ATP2A2: variants seen among roughly 807,000 people sequenced by gnomAD.
ATP2A2 encodes ATPase sarcoplasmic/endoplasmic reticulum Ca2+ transporting 2.
Under a neutral mutation model 109.3 loss-of-function variants are expected in ATP2A2, and 14 were observed. The observed-to-expected ratio is 0.13, with a 90% confidence interval of 0.08 to 0.20. The LOEUF is 0.20. Ranked by LOEUF, ATP2A2 falls within the 10% of genes least tolerant of loss-of-function variation. ATP2A2 has a pLI of 1.00. For missense variants in ATP2A2, 657 were observed against 1,321.6 expected, an observed-to-expected ratio of 0.50 and a Z score of 7.80; for synonymous variants, 506 against 490.9, an observed-to-expected ratio of 1.03 and a Z score of -0.41.
At chr12:110,301,410 T>C (rs1279783703) in intron 5 of ATP2A2, among the ~76,000 whole-genome samples, 1 of 152,210 alleles carries the variant, frequency 6.6e-6, no homozygotes, top group Non-Finnish European at 1.5e-5. Context: ...TTCCCGTCTT[T>C]TGTAAGACAC....
At chr12:110,334,254 C>CA in intron 11 of ATP2A2, 111 bp downstream of exon 11, 16 of 1,317,134 alleles carry the variant, frequency 1.2e-5, no homozygotes, top group Non-Finnish European at 1.7e-5. Flanking sequence ...CTTATCTCCT[C>CA]AAACTTACAG....
intron 5 of ATP2A2, among the ~76,000 whole-genome samples, chr12:110,298,744 C>T (rs537487398): frequency 3.3e-4 from 50 of 152,254 alleles, no homozygotes; most frequent in African/African-American, 1.2e-3. Flanking sequence ...TCTGTTTTGA[C>T]ACAAATGTTA....
At chr12:110,338,581 C>T (rs1287907419) in intron 11 of ATP2A2, among the ~76,000 whole-genome samples, 1 of 152,156 alleles carries the variant, frequency 6.6e-6, no homozygotes, top group Non-Finnish European at 1.5e-5. Flanking sequence ...GCCTCGGCCT[C>T]CTGAGTAGCT....
chr12:110,335,729 C>T (rs942065721), intron 11 of ATP2A2, among the ~76,000 whole-genome samples: 2 of 152,274 alleles, frequency 1.3e-5, no homozygotes, highest in East Asian at 1.9e-4. Flanking sequence ...ATGGGAACTG[C>T]GGAAGCTGAT....
Position 110,350,024 on chromosome 12 carries a change from GCCTCATGGGGTTTT to G in ATP2A2, c.*3559_*3572del. On this transcript the variant is annotated 3_prime_UTR_variant, in exon 20 of 20. Coordinates refer to ENST00000539276, the MANE Select transcript of ATP2A2 (RefSeq NM_170665.4). ...TTTCACAGCTGCAACGATTGTGTCTGCCTCATGGGGTTTTCCTCCAGAGCCTTTATTCTGTAGCC... is the reference window on the plus strand; with the variant it reads ...TTTCACAGCTGCAACGATTGTGTCTGCCTCCAGAGCCTTTATTCTGTAGCC... 1 of 1,383,528 alleles carries G rather than the reference GCCTCATGGGGTTTT, an allele frequency of 7.2e-7. No homozygotes were observed. The highest frequency in any genetic ancestry group is 9.4e-7 in the Non-Finnish European group (1 of 1,069,254). The allele number at this position is 1,383,528 out of a possible 1,614,324, so 85.7% of individuals were successfully genotyped here.
intron 4 of ATP2A2, among the ~76,000 whole-genome samples, chr12:110,295,696 C>T (rs985545032): frequency 6.6e-6 from 1 of 152,120 alleles, no homozygotes; most frequent in Non-Finnish European, 1.5e-5. Flanking sequence ...TCATTTGATT[C>T]TCTTTAGGCT....
chr12:110,300,923 T>G (rs1056529025), intron 5 of ATP2A2, among the ~76,000 whole-genome samples: 1 of 152,170 alleles, frequency 6.6e-6, no homozygotes, highest in African/African-American at 2.4e-5. Flanking sequence ...AAGGAGATTG[T>G]TTTTCCACAA....
In ATP2A2 at chr12:110,346,010, A is replaced by G; in HGVS notation, c.2751A>G (p.Glu917=). The G allele has an allele frequency of 6.2e-7, 1 of 1,614,016 alleles. No homozygotes were observed. The highest frequency in any genetic ancestry group is 1.1e-5 in the South Asian group (1 of 91,068). Residue 917 remains glutamate, a synonymous_variant, in exon 19 of 20, where the codon GAA becomes GAG. Transcript: ENST00000539276. ...EMCNALNSLS[E]NQSLLRMPPW... The stretch of plus-strand genomic sequence containing the variant: ...TCTCCTTGCTCTGCAGCTTGTCCGA[A>G]AACCAGTCCTTGCTGAGGATGCCCC...
chr12:110,284,587 T>G (rs1324244091), intron 3 of ATP2A2, among the ~76,000 whole-genome samples: 3 of 152,182 alleles, frequency 2.0e-5, no homozygotes, highest in Non-Finnish European at 2.9e-5. Context: ...TTTTTTACTT[T>G]GAAGTAATTA....
chr12:110,286,426 T>G (rs975648251), intron 3 of ATP2A2, among the ~76,000 whole-genome samples: 7 of 152,256 alleles, frequency 4.6e-5, no homozygotes, highest in Admixed American at 2.0e-4. Flanking sequence ...AATTACTGAT[T>G]GGTTTAACTA....
At position 110,327,111 on chromosome 12, in the gene ATP2A2, T is replaced by C. The variant is rs755408474; in HGVS notation, c.631-442T>C. 1.6e-4 allele frequency among the ~76,000 whole-genome samples: 25 copies of C among 152,220 alleles called. No homozygotes were observed. Among genetic ancestry groups the C allele is most frequent in the African/African-American group, 6.0e-4 (25 of 41,462 alleles). ...AGTGGCATGGGAGAGACTGCTCACATTTGATTTCTTTGGTTTTTGGACCCT... is the reference window on the plus strand; with the variant it reads ...AGTGGCATGGGAGAGACTGCTCACACTTGATTTCTTTGGTTTTTGGACCCT... On this transcript the variant is annotated intron_variant, in intron 7 of 19. Coordinates refer to ENST00000539276, the MANE Select transcript of ATP2A2 (RefSeq NM_170665.4). The surrounding 1 kb of genome is among the most constrained non-coding windows in gnomAD (Gnocchi z 4.4).
intron 5 of ATP2A2, among the ~76,000 whole-genome samples, chr12:110,304,166 T>A (rs916060162): frequency 2.0e-5 from 3 of 152,244 alleles, no homozygotes; most frequent in African/African-American, 7.2e-5. Context: ...TGCTGAATAA[T>A]GTTTATTAGT....
At position 110,282,638 on chromosome 12, in the gene ATP2A2, G is replaced by C; in HGVS notation, c.136+17G>C. 1 of 1,613,464 alleles carries C rather than the reference G, an allele frequency of 6.2e-7. No homozygotes were observed. Among genetic ancestry groups the C allele is most frequent in the Admixed American group, 1.7e-5 (1 of 59,958 alleles). ...CTGAAGAAGGTAATCTTAACATGCT[G>C]TTTCTGTTTTTTTTCCTCTGTTGGT... On this transcript the variant is annotated intron_variant, in intron 2 of 19. Coordinates refer to ENST00000539276, the MANE Select transcript of ATP2A2 (RefSeq NM_170665.4).
At position 110,339,827 on chromosome 12, in the gene ATP2A2, G is replaced by A. The variant is rs1879180304; in HGVS notation, c.1761+106G>A. The A allele has an allele frequency of 7.9e-7, 1 of 1,270,066 alleles. No homozygotes were observed. The highest frequency in any genetic ancestry group is 1.1e-6 in the Non-Finnish European group (1 of 891,776). 78.7% of individuals were successfully genotyped at this position (1,270,066 alleles called of 1,614,324 possible). ...AACAGTTCTCACTTTTGCCAAGAAA[G>A]AGGTGTGGTTATTTGTTTTTCTGCC... On this transcript the variant is annotated intron_variant, in intron 13 of 19. Transcript: ENST00000539276. The surrounding 1 kb of genome is among the most constrained non-coding windows in gnomAD (Gnocchi z 4.4).
rs1453281978 is a variant in ATP2A2 at position 110,340,498 on chromosome 12, A to G, written c.1762-161A>G. ...GGTCGCAGTGAGCTGAGATTGCGCC[A>G]TGGCACTCCAGCCTGGGCAACAAGA... On this transcript the variant is annotated intron_variant, in intron 13 of 19. Coordinates refer to ENST00000539276, the MANE Select transcript of ATP2A2 (RefSeq NM_170665.4). The surrounding 1 kb of genome is among the most constrained non-coding windows in gnomAD (Gnocchi z 6.0). 6.6e-6 allele frequency among the ~76,000 whole-genome samples: 1 copy of G among 151,648 alleles called. No homozygotes were observed. Among genetic ancestry groups the G allele is most frequent in the Non-Finnish European group, 1.5e-5 (1 of 67,908 alleles).
At chr12:110,323,214 T>C in intron 6 of ATP2A2, 142 bp downstream of exon 6, 1 of 741,378 alleles carries the variant, frequency 1.3e-6, no homozygotes, top group South Asian at 1.5e-5. Flanking sequence ...TGCTTTAGTC[T>C]CGCTCCATTG....
At chr12:110,337,554 C>A (rs1359591080) in intron 11 of ATP2A2, among the ~76,000 whole-genome samples, 1 of 152,250 alleles carries the variant, frequency 6.6e-6, no homozygotes. Flanking sequence ...GGCTGGCAGG[C>A]CAGCAGGATC....
chr12:110,295,556 G>C (rs1193806101), intron 4 of ATP2A2, among the ~76,000 whole-genome samples: 1 of 152,194 alleles, frequency 6.6e-6, no homozygotes, highest in Non-Finnish European at 1.5e-5. Flanking sequence ...TGATCTTGAA[G>C]GGTAAGAATG....
At chr12:110,334,730 G>T (rs1878674536) in intron 11 of ATP2A2, among the ~76,000 whole-genome samples, 1 of 151,844 alleles carries the variant, frequency 6.6e-6, no homozygotes, top group East Asian at 1.9e-4. Flanking sequence ...TGGGATTACA[G>T]GCACACGCCA....
Sources: gnomAD v4.1 joint callset for allele counts (sites outside exome capture counted in the v4.1 genomes callset) on GRCh38, gnomAD v4.1.1 for gene constraint, Gnocchi (gnomAD v3.1) non-coding constraint, MANE v1.5 for transcripts, NCBI Gene and HGNC (gene_info 2026-07-23, HGNC 2026-07-21) for gene names.